Variants in METTL16 observed in about 807,000 individuals in gnomAD.
The protein encoded by METTL16 is methyltransferase 16, RNA N6-adenosine.
A neutral mutation model predicts 57.9 loss-of-function variants in METTL16; 19 were observed. That is an observed-to-expected ratio of 0.33 (90% CI 0.23 to 0.48). The LOEUF is 0.48. METTL16 is among the 20% of genes least tolerant of loss of function. METTL16 has a pLI of 0.99. For synonymous variants in METTL16, 246 were observed against 255.6 expected (o/e 0.96, Z 0.36); for missense variants, 434 against 691.5 (o/e 0.63, Z 4.18).
chr17:2,498,755 C>T (rs959255607), intron 2 of METTL16, among the ~76,000 whole-genome samples: 2 of 151,380 alleles, frequency 1.3e-5, no homozygotes, highest in African/African-American at 4.9e-5. Context: ...TAATATAAAA[C>T]TTTAGTGGAT....
chr17:2,493,428 G>A (rs1384494382), intron 2 of METTL16, among the ~76,000 whole-genome samples: 1 of 150,980 alleles, frequency 6.6e-6, no homozygotes, highest in African/African-American at 2.4e-5. Context: ...TAAATACAAA[G>A]CCATTGTAGG....
chr17:2,434,625 T>C (rs990129500), intron 8 of METTL16, among the ~76,000 whole-genome samples: 3 of 152,232 alleles, frequency 2.0e-5, no homozygotes, highest in Non-Finnish European at 4.4e-5. Flanking sequence ...CAGCCTGATG[T>C]CTGCCCCACC....
At chr17:2,446,591 G>GCTCTCC (rs372024803) in intron 6 of METTL16, among the ~76,000 whole-genome samples, 23,630 of 142,688 alleles carry the variant, frequency 0.17, 2,096 homozygotes, top group Admixed American at 0.19. Context: ...GAGCATCCTG[G>GCTCTCC]CTCTCCCTCT....
intron 1 of METTL16, 50 bp from the exon 2 acceptor site, chr17:2,502,381 T>C: frequency 1.3e-6 from 2 of 1,587,066 alleles, no homozygotes; most frequent in Non-Finnish European, 1.7e-6. Flanking sequence ...TTAAAAACCA[T>C]TAATGGGGGC....
chr17:2,506,125 T>C (rs1012905271), intron 1 of METTL16, among the ~76,000 whole-genome samples: 3 of 151,994 alleles, frequency 2.0e-5, no homozygotes, highest in African/African-American at 7.3e-5. Flanking sequence ...GTAACGTTTT[T>C]TCCTCCCTCT....
chr17:2,477,501 C>T (rs1027929450), intron 3 of METTL16, 185 bp downstream of exon 3: 2 of 594,046 alleles, frequency 3.4e-6, no homozygotes, highest in Non-Finnish European at 3.0e-6. Context: ...TTGAGCAACA[C>T]ATCAGTGCTC....
chr17:2,426,492 A>T (rs2066819364), intron 8 of METTL16, among the ~76,000 whole-genome samples: 1 of 152,138 alleles, frequency 6.6e-6, no homozygotes. Flanking sequence ...GCACTTTGGG[A>T]GGCTGAGGCA....
chr17:2,420,372 C>T lies in METTL16; in HGVS notation c.1287G>A (p.Arg429=). 1 of 1,612,710 alleles carries T rather than the reference C, an allele frequency of 6.2e-7. No individual in the cohort carries two copies. Among genetic ancestry groups the T allele is most frequent in the Non-Finnish European group, 8.5e-7 (1 of 1,180,004 alleles). Residue 429 remains arginine (R), a synonymous_variant, in exon 10 of 10, where the codon AGG becomes AGA. Coordinates refer to ENST00000263092, the MANE Select transcript of METTL16 (RefSeq NM_024086.4). This position sits in a 1 kb window ranked among gnomAD's most constrained non-coding sequence, Gnocchi z 5.4. ...CCCGCAGAGCAGGCCCACAGGGGGT[C>T]CTCTCCTGGGGGCCCCTGGCCAGTT... The part of the protein sequence containing the change: ...SQELARGPQE[R]TPCGPALREG...
intron 2 of METTL16, among the ~76,000 whole-genome samples, chr17:2,478,118 A>G (rs958419346): frequency 6.6e-6 from 1 of 152,220 alleles, no homozygotes; most frequent in African/African-American, 2.4e-5. Flanking sequence ...TATGGAGCAC[A>G]GAGATTAAAT....
rs368628496 is a variant in METTL16 at position 2,508,642 on chromosome 17, T to A, written c.-1+3117A>T. 2.9e-3 allele frequency among the ~76,000 whole-genome samples: 437 copies of A among 152,260 alleles called. 3 individuals carry two copies. The highest frequency in any genetic ancestry group is 9.5e-3 in the African/African-American group (393 of 41,538). ...GGTCATTATCATGTCTTTCTTGGGT[T>A]GCTCTAAGAGTCTCAAACTGATCTC... On this transcript the variant is annotated intron_variant, in intron 1 of 9. Transcript: ENST00000263092.
chr17:2,446,467 CAGAATGAAAGG>C (rs2066995865), intron 6 of METTL16, among the ~76,000 whole-genome samples: 1 of 152,210 alleles, frequency 6.6e-6, no homozygotes, highest in Admixed American at 6.5e-5. Context: ...AGCAAGGCCA[CAGAATGAAAGG>C]TCAACACAAA....
chr17:2,459,332 G>A (rs879672295), intron 6 of METTL16, among the ~76,000 whole-genome samples: 10 of 152,158 alleles, frequency 6.6e-5, no homozygotes, highest in Admixed American at 5.9e-4. Context: ...AAACCAAGAG[G>A]TTGGATAACT....
chr17:2,507,827 C>A (rs561111285), intron 1 of METTL16, among the ~76,000 whole-genome samples: 2 of 152,196 alleles, frequency 1.3e-5, no homozygotes, highest in East Asian at 3.9e-4. Flanking sequence ...GTGACCTTAC[C>A]CCCAACCCTG....
intron 6 of METTL16, among the ~76,000 whole-genome samples, chr17:2,447,704 AGGGGGG>A (rs1165548770): frequency 1.7e-5 from 1 of 58,386 alleles, no homozygotes; most frequent in Non-Finnish European, 3.3e-5. Context: ...GGGAGGGGGG[AGGGGGG>A]GTCAGCCCCC....
At chr17:2,462,827 A>C (rs542008914) in intron 6 of METTL16, among the ~76,000 whole-genome samples, 1 of 152,290 alleles carries the variant, frequency 6.6e-6, no homozygotes, top group African/African-American at 2.4e-5. Flanking sequence ...GTGAGAATGG[A>C]CTAATACAGA....
At chr17:2,423,475 A>G (rs1328474213) in intron 8 of METTL16, among the ~76,000 whole-genome samples, 2 of 152,182 alleles carry the variant, frequency 1.3e-5, no homozygotes, top group African/African-American at 2.4e-5. Context: ...GTCTACTGAG[A>G]GCCTAACGCT....
intron 7 of METTL16, among the ~76,000 whole-genome samples, chr17:2,440,340 C>G (rs1404518726): frequency 6.6e-6 from 1 of 152,074 alleles, no homozygotes; most frequent in South Asian, 2.1e-4. Flanking sequence ...CCTCTGCCTC[C>G]CAGGTTCAAG....
intron 2 of METTL16, among the ~76,000 whole-genome samples, chr17:2,498,072 T>C (rs1028828687): frequency 6.6e-6 from 1 of 151,330 alleles, no homozygotes; most frequent in Admixed American, 6.6e-5. Context: ...CGGGCACCTG[T>C]AGTCCCAGCT....
chr17:2,447,070 C>T (rs533453635), intron 6 of METTL16, among the ~76,000 whole-genome samples: 1 of 147,196 alleles, frequency 6.8e-6, no homozygotes, highest in South Asian at 2.2e-4. Context: ...AGCCTCTCTG[C>T]CTGGCTGCCC....
Sources: allele counts gnomAD v4.1 joint callset (sites outside exome capture counted in the v4.1 genomes callset), GRCh38; gene constraint gnomAD v4.1.1; non-coding constraint Gnocchi (gnomAD v3.1); transcripts MANE v1.5; gene names NCBI Gene and HGNC (gene_info 2026-07-23, HGNC 2026-07-21).